Variants in NUP155 observed in about 807,000 individuals in gnomAD.
The protein encoded by NUP155 is nuclear pore complex protein Nup155.
A neutral mutation model predicts 180.4 loss-of-function variants in NUP155; 71 were observed. That is an observed-to-expected ratio of 0.39 (90% confidence interval 0.33 to 0.48). NUP155 has a LOEUF of 0.48. Ranked by LOEUF, NUP155 falls within the 20% of genes least tolerant of loss-of-function variation. The pLI is 0.91. For synonymous variants in NUP155, 582 were observed against 559.5 expected (o/e 1.04, Z -0.57); for missense variants, 1,553 against 1,648.9 (o/e 0.94, Z 1.01).
In NUP155 at chr5:37,341,419, T is replaced by C. The variant is rs1745713589; in HGVS notation, c.1094-177A>G. On this transcript the variant is annotated intron_variant, in intron 10 of 34. Coordinates refer to ENST00000231498, the MANE Select transcript of NUP155 (RefSeq NM_153485.3). ...CTCTGTCGCCCAGGCTGGAGTGCAG[T>C]GGCGCCATCTCGGCTTACTGCAACC... is the stretch of plus-strand genomic sequence containing the variant. 3.9e-5 allele frequency among the ~76,000 whole-genome samples: 6 copies of C among 152,244 alleles called. No homozygotes were observed. The South Asian group carries it at 1.2e-3, about 31-fold the overall frequency.
chr5:37,331,821 A>G, intron 13 of NUP155, 26 bp from the exon 14 acceptor site: 1 of 1,390,532 alleles, frequency 7.2e-7, no homozygotes, highest in Non-Finnish European at 1.0e-6. Flanking sequence ...AAAGAACATG[A>G]ACAAGAGATT....
At chr5:37,370,735 C>T in intron 1 of NUP155, 86 bp downstream of exon 1, 1 of 1,612,496 alleles carries the variant, frequency 6.2e-7, no homozygotes, top group East Asian at 2.2e-5. Flanking sequence ...CATATCCTCG[C>T]CGGGACCAAC....
intron 1 of NUP155, among the ~76,000 whole-genome samples, chr5:37,367,657 G>A (rs1359086378): frequency 1.4e-5 from 2 of 141,788 alleles, no homozygotes; most frequent in Admixed American, 7.1e-5. Context: ...CTCAGCCTCC[G>A]GAGTAGCTGG....
At chr5:37,342,098 G>C (rs1745764537) in intron 10 of NUP155, among the ~76,000 whole-genome samples, 1 of 152,134 alleles carries the variant, frequency 6.6e-6, no homozygotes, top group Non-Finnish European at 1.5e-5. Flanking sequence ...AAGTGTAGTA[G>C]CATAATCTCA....
chr5:37,321,397 T>C (rs865781852), intron 20 of NUP155, among the ~76,000 whole-genome samples: 2 of 151,326 alleles, frequency 1.3e-5, no homozygotes, highest in South Asian at 2.1e-4. Flanking sequence ...TCCAATAAAA[T>C]GGGAAGGAGG....
intron 3 of NUP155, among the ~76,000 whole-genome samples, chr5:37,362,934 A>G (rs1747314427): frequency 6.6e-6 from 1 of 152,118 alleles, no homozygotes; most frequent in Admixed American, 6.6e-5. Flanking sequence ...TGTTTCTGAG[A>G]TGGAGTCTCG....
rs771665606 is a variant in NUP155, at chr5:37,351,388, T to A, written c.557-32A>T. ...AAGAAAGAATACATAAATCAGTTTATTAGCTACTCCACAGTTTTTAAAAAT... is the reference window on the plus strand; with the variant it reads ...AAGAAAGAATACATAAATCAGTTTAATAGCTACTCCACAGTTTTTAAAAAT... On this transcript the variant is annotated intron_variant, in intron 5 of 34. Transcript: ENST00000231498. 8.3e-6 allele frequency: 12 copies of A among 1,444,562 alleles called. 1 individual carries two copies. In the South Asian group the frequency reaches 1.4e-4, roughly 17 times the overall value. The allele number at this position is 1,444,562 out of a possible 1,614,324, so 89.5% of individuals were successfully genotyped here.
At chr5:37,359,622 G>A (rs1747067641) in intron 3 of NUP155, among the ~76,000 whole-genome samples, 1 of 152,150 alleles carries the variant, frequency 6.6e-6, no homozygotes, top group Admixed American at 6.6e-5. Flanking sequence ...CCATTTCTAA[G>A]AATAAATACC....
chr5:37,352,484 G>C (rs1746529542), intron 5 of NUP155, among the ~76,000 whole-genome samples: 1 of 152,168 alleles, frequency 6.6e-6, no homozygotes, highest in African/African-American at 2.4e-5. Flanking sequence ...GATGCGGTAA[G>C]CCAAGATCAC....
intron 19 of NUP155, 43 bp from the exon 20 acceptor site, chr5:37,324,150 T>C (rs1345854863): frequency 2.7e-6 from 3 of 1,124,504 alleles, no homozygotes; most frequent in Non-Finnish European, 4.1e-6. Context: ...AAACACACCC[T>C]CTGTATAGCT....
intron 33 of NUP155, among the ~76,000 whole-genome samples, chr5:37,293,861 C>T (rs933492543): frequency 9.0e-6 from 1 of 110,630 alleles, no homozygotes; most frequent in Non-Finnish European, 1.6e-5. Context: ...TAGCCGGGCG[C>T]GGTGGCGGGC....
intron 20 of NUP155, among the ~76,000 whole-genome samples, chr5:37,322,594 C>T (rs1252365401): frequency 6.6e-6 from 1 of 151,788 alleles, no homozygotes; most frequent in African/African-American, 2.4e-5. Flanking sequence ...GTAGTCCCAG[C>T]TACTCGGGAG....
chr5:37,354,052 T>A (rs1486575362), intron 4 of NUP155, among the ~76,000 whole-genome samples: 1 of 152,246 alleles, frequency 6.6e-6, no homozygotes, highest in East Asian at 1.9e-4. Context: ...TATAGTTATC[T>A]ACACAAGAAA....
chr5:37,293,030 A>G, intron 33 of NUP155, 45 bp from the exon 34 acceptor site: 1 of 1,259,596 alleles, frequency 7.9e-7, no homozygotes. Flanking sequence ...AATTGTGTCA[A>G]TTGATTATTT....
intron 3 of NUP155, among the ~76,000 whole-genome samples, chr5:37,360,843 C>T (rs543288229): frequency 2.7e-4 from 41 of 151,748 alleles, no homozygotes; most frequent in South Asian, 6.2e-4. Context: ...TTTGAGACTC[C>T]GTCTCCCAAA....
chr5:37,343,684 A>G (rs1055700126), intron 9 of NUP155, among the ~76,000 whole-genome samples: 1 of 152,072 alleles, frequency 6.6e-6, no homozygotes, highest in Non-Finnish European at 1.5e-5. Context: ...TGAGGTCAAG[A>G]GTTCAAGACT....
intron 4 of NUP155, among the ~76,000 whole-genome samples, chr5:37,355,533 A>ATG (rs530957145): frequency 0.017 from 2,476 of 148,106 alleles, 48 homozygotes; most frequent in African/African-American, 0.047. Context: ...CGGTTAAAGA[A>ATG]TGTGTGTGTG....
rs1277672239 is a variant in NUP155, at chr5:37,352,804, GT to G, written c.488del (p.His163ProfsTer9). The part of the protein sequence containing the change: ...KAGIFQPHVR[H>X]LLVLATPVDI... ...CTACAGGGGTCGCCAAAACCAGGAG[GT>G]GTCGCACATGAGGTTGAAAGATGCC... On this transcript the variant is annotated frameshift_variant, in exon 5 of 35. Coordinates refer to ENST00000231498, the MANE Select transcript of NUP155 (RefSeq NM_153485.3). LOFTEE classifies it high-confidence loss of function. 6.2e-7 allele frequency: 1 copy of G among 1,613,344 alleles called. No homozygotes were observed.
At chr5:37,352,376 C>CA (rs1028435964) in intron 5 of NUP155, among the ~76,000 whole-genome samples, 3 of 150,366 alleles carry the variant, frequency 2.0e-5, no homozygotes, top group Admixed American at 1.3e-4. Flanking sequence ...AACAAACAAA[C>CA]AAAAAAACAA....
Sources: gnomAD v4.1 joint callset for allele counts (sites outside exome capture counted in the v4.1 genomes callset) on GRCh38, gnomAD v4.1.1 for gene constraint, MANE v1.5 for transcripts, NCBI Gene and HGNC (gene_info 2026-07-23, HGNC 2026-07-21) for gene names.